The following CDH18 variants were observed in gnomAD, a reference collection of about 807,000 sequenced individuals.
CDH18 encodes the protein cadherin-18.
CDH18 carries 31 observed loss-of-function variants against 67.9 expected under a neutral mutation model. The observed-to-expected ratio is 0.46, with a 90% CI of 0.34 to 0.62. The LOEUF (loss-of-function observed/expected upper bound fraction) is 0.62. Among genes scored for constraint, CDH18 ranks in the 20% least tolerant of loss-of-function variants. The pLI, the probability that CDH18 is intolerant of heterozygous loss-of-function variation, is 0.01. For synonymous variants in CDH18, 362 were observed against 347.2 expected (o/e 1.04, Z -0.48); for missense variants, 890 against 975.5 (o/e 0.91, Z 1.17).
chr5:20,395,572 C>T (rs1745216612), intron 1 of CDH18, among the ~76,000 whole-genome samples: 1 of 152,136 alleles, frequency 6.6e-6, no homozygotes, highest in Non-Finnish European at 1.5e-5. Context: ...TAACTTGTAC[C>T]TCTAAAGCTA....
At chr5:19,852,698 C>T (rs1201276282) in intron 2 of CDH18, among the ~76,000 whole-genome samples, 4 of 151,932 alleles carry the variant, frequency 2.6e-5, no homozygotes, top group Non-Finnish European at 5.9e-5. Context: ...TTTTTATTTT[C>T]TCACTGAAAA....
At chr5:20,252,920 A>G (rs897626302) in intron 2 of CDH18, among the ~76,000 whole-genome samples, 2 of 149,238 alleles carry the variant, frequency 1.3e-5, no homozygotes, top group Non-Finnish European at 3.0e-5. Flanking sequence ...TGGGCAACAG[A>G]GCGAGACTCC....
In CDH18 at chr5:19,874,601, T is replaced by G. The variant is rs115259508; in HGVS notation, c.-256-35359A>C. Among the ~76,000 whole-genome samples, 329 of 152,292 alleles carry G rather than the reference T, an allele frequency of 2.2e-3. 2 individuals are homozygous for G. Among genetic ancestry groups the G allele is most frequent in the African/African-American group, 7.7e-3 (319 of 41,566 alleles). On this transcript the variant is annotated intron_variant, in intron 2 of 12. Coordinates refer to ENST00000382275, the MANE Select transcript of CDH18 (RefSeq NM_004934.5). ...TTACGGTCTTGACCTTGAATTTAGA[T>G]TTGTTCCTTATTAGTAGAAAATGAC...
chr5:20,046,931 C>T (rs999898217), intron 2 of CDH18, among the ~76,000 whole-genome samples: 4 of 151,808 alleles, frequency 2.6e-5, no homozygotes, highest in African/African-American at 9.7e-5. Flanking sequence ...GAGCAGCACA[C>T]CAACATGGCA....
At chr5:20,190,696 A>T (rs1364401621) in intron 2 of CDH18, among the ~76,000 whole-genome samples, 1 of 152,068 alleles carries the variant, frequency 6.6e-6, no homozygotes, top group Non-Finnish European at 1.5e-5. Context: ...TGAATAGAAA[A>T]ATATTTGAGA....
At chr5:19,726,292 T>C (rs1766832993) in intron 4 of CDH18, among the ~76,000 whole-genome samples, 1 of 152,186 alleles carries the variant, frequency 6.6e-6, no homozygotes, top group African/African-American at 2.4e-5. Context: ...AATATATATA[T>C]AGTAACTCTC....
chr5:20,065,756 C>T (rs1742929528), intron 2 of CDH18, among the ~76,000 whole-genome samples: 1 of 151,830 alleles, frequency 6.6e-6, no homozygotes, highest in Admixed American at 6.6e-5. Flanking sequence ...GTATAGGTAT[C>T]AAAGAAAAAT....
At chr5:19,785,540 G>C (rs1358350615) in intron 3 of CDH18, among the ~76,000 whole-genome samples, 2 of 148,084 alleles carry the variant, frequency 1.4e-5, no homozygotes, top group East Asian at 4.1e-4. Flanking sequence ...TGTAATTCCA[G>C]CTACTCAGGA....
chr5:20,172,699 T>C (rs1177956519), intron 2 of CDH18, among the ~76,000 whole-genome samples: 3 of 152,028 alleles, frequency 2.0e-5, no homozygotes, highest in African/African-American at 7.2e-5. Context: ...CTTAAAGGAA[T>C]ATCCATTGTC....
At chr5:20,377,385 T>C (rs1003166923) in intron 1 of CDH18, among the ~76,000 whole-genome samples, 1 of 152,204 alleles carries the variant, frequency 6.6e-6, no homozygotes, top group African/African-American at 2.4e-5. Context: ...GTATTTTAGT[T>C]TCAAGAGAAT....
At chr5:19,911,295 G>T (rs945205140) in intron 2 of CDH18, among the ~76,000 whole-genome samples, 1 of 152,066 alleles carries the variant, frequency 6.6e-6, no homozygotes, top group African/African-American at 2.4e-5. Flanking sequence ...GTTTAGCAAG[G>T]GAAGAGGAGG....
chr5:19,653,952 A>G (rs1755949961), intron 5 of CDH18, among the ~76,000 whole-genome samples: 1 of 152,132 alleles, frequency 6.6e-6, no homozygotes, highest in African/African-American at 2.4e-5. Flanking sequence ...TTTCAAGCAT[A>G]ATCTCTTGTA....
intron 1 of CDH18, among the ~76,000 whole-genome samples, chr5:20,511,509 G>C (rs7703755): frequency 0.49 from 73,804 of 151,574 alleles, 18,044 homozygotes; most frequent in East Asian, 0.58. Flanking sequence ...TAGAGGCATA[G>C]GCAAATATAT....
At chr5:19,947,762 CA>C (rs77462775) in intron 2 of CDH18, among the ~76,000 whole-genome samples, 85,424 of 147,672 alleles carry the variant, frequency 0.58, 24,576 homozygotes, top group Middle Eastern at 0.71. Context: ...GAGTCCATCT[CA>C]AAAAAAAAAG....
intron 2 of CDH18, among the ~76,000 whole-genome samples, chr5:20,198,919 G>GAGA (rs1739214604): frequency 6.6e-6 from 1 of 152,208 alleles, no homozygotes; most frequent in Non-Finnish European, 1.5e-5. Context: ...GCTTCCACAT[G>GAGA]GTGTTGGTCC....
At position 20,534,128 on chromosome 5, in the gene CDH18, T is replaced by C. The variant is rs1193532819; in HGVS notation, c.-580+41334A>G. On this transcript the variant is annotated intron_variant, in intron 1 of 14. Coordinates refer to the CDH18 transcript ENST00000507958. ...ATGCCAATTGATTCATCTCTCCTTG[T>C]TTGCCAAAATTGCAGATCACACATT... is the stretch of plus-strand genomic sequence containing the variant. 8.5e-5 allele frequency among the ~76,000 whole-genome samples: 13 copies of C among 152,176 alleles called. No homozygotes were observed. In the East Asian group the frequency reaches 2.1e-3, roughly 25 times the overall value.
intron 2 of CDH18, among the ~76,000 whole-genome samples, chr5:19,921,253 C>T (rs999630567): frequency 1.2e-4 from 19 of 152,110 alleles, no homozygotes; most frequent in Non-Finnish European, 1.6e-4. Flanking sequence ...CAAAACAGGC[C>T]GGGCATAGTG....
intron 1 of CDH18, among the ~76,000 whole-genome samples, chr5:20,513,036 C>T (rs1755144485): frequency 6.6e-6 from 1 of 152,108 alleles, no homozygotes; most frequent in African/African-American, 2.4e-5. Flanking sequence ...TTCTTACTTC[C>T]TTTCTTAAAT....
chr5:19,660,579 A>G (rs1021000958), intron 5 of CDH18, among the ~76,000 whole-genome samples: 1 of 152,138 alleles, frequency 6.6e-6, no homozygotes, highest in African/African-American at 2.4e-5. Context: ...AATAAATTGC[A>G]TATACATTTC....
Sources: allele counts gnomAD v4.1 joint callset (sites outside exome capture counted in the v4.1 genomes callset), GRCh38; gene constraint gnomAD v4.1.1; transcripts MANE v1.5; gene names NCBI Gene and HGNC (gene_info 2026-07-23, HGNC 2026-07-21).